The following AGBL4 variants were observed in gnomAD, a reference collection of about 807,000 sequenced individuals.
The protein encoded by AGBL4 is cytosolic carboxypeptidase 6.
In AGBL4, 58 loss-of-function variants were observed where a neutral mutation model predicts 66.4. That is an observed-to-expected ratio of 0.87 (90% CI 0.71 to 1.09). The LOEUF (loss-of-function observed/expected upper bound fraction) is 1.09, where lower values mean the gene tolerates loss of function less well. Ranked by LOEUF, AGBL4 falls within the 50% of genes least tolerant of loss-of-function variation. The probability of loss-of-function intolerance (pLI) is 0.00; values close to 1 mark genes in which losing one functional copy is unlikely to be tolerated. For synonymous variants in AGBL4, 234 were observed against 222.9 expected (o/e 1.05, Z -0.44); for missense variants, 579 against 631.0 (o/e 0.92, Z 0.88).
intron 3 of AGBL4, among the ~76,000 whole-genome samples, chr1:49,674,758 T>G (rs1646547752): frequency 6.6e-6 from 1 of 152,006 alleles, no homozygotes; most frequent in South Asian, 2.1e-4. Flanking sequence ...AATTACAGTC[T>G]TTGAGAGATA....
chr1:49,051,662 G>C (rs1644213809), intron 4 of AGBL4, among the ~76,000 whole-genome samples: 1 of 152,112 alleles, frequency 6.6e-6, no homozygotes. Flanking sequence ...GTCTGGCATA[G>C]CCAGGGACCT....
At chr1:49,339,299 C>A (rs1453403391) in intron 3 of AGBL4, among the ~76,000 whole-genome samples, 1 of 152,192 alleles carries the variant, frequency 6.6e-6, no homozygotes, top group Non-Finnish European at 1.5e-5. Context: ...GAAGAGTGCA[C>A]TTTACAAAAT....
intron 3 of AGBL4, among the ~76,000 whole-genome samples, chr1:49,405,738 G>T (rs907532251): frequency 2.0e-5 from 3 of 152,174 alleles, no homozygotes; most frequent in African/African-American, 7.2e-5. Context: ...TCAGATCTAC[G>T]TTTTTATCAG....
chr1:49,829,241 G>T (rs1645593076), intron 2 of AGBL4, among the ~76,000 whole-genome samples: 2 of 152,100 alleles, frequency 1.3e-5, no homozygotes, highest in Admixed American at 1.3e-4. Context: ...TGAACTATTA[G>T]ATATGTACTC....
chr1:49,789,280 AGG>A (rs2147924108), intron 2 of AGBL4, among the ~76,000 whole-genome samples: 1 of 152,276 alleles, frequency 6.6e-6, no homozygotes, highest in Admixed American at 6.5e-5. Flanking sequence ...AATGTTCATC[AGG>A]GATATTGGAC....
At position 49,879,460 on chromosome 1, in the gene AGBL4, A is replaced by C. The variant is rs199578490; in HGVS notation, c.35-27942T>G. 4.0e-5 allele frequency among the ~76,000 whole-genome samples: 6 copies of C among 148,204 alleles called. No homozygotes were observed. The East Asian group carries it at 1.1e-3, about 26-fold the overall frequency. ...GATATGAAATTCTGGGTTGAAAATT[A>C]TTTTCTTTAAGAATGTTGAATATTG... On this transcript the variant is annotated intron_variant, in intron 1 of 13. Coordinates refer to ENST00000371839, the MANE Select transcript of AGBL4 (RefSeq NM_032785.4).
At chr1:49,496,487 C>T (rs1009598273) in intron 3 of AGBL4, among the ~76,000 whole-genome samples, 3 of 151,808 alleles carry the variant, frequency 2.0e-5, no homozygotes, top group East Asian at 3.9e-4. Flanking sequence ...TCCTCCTAAC[C>T]GAAATTTTGT....
At chr1:49,235,828 G>C (rs1449768438) in intron 4 of AGBL4, among the ~76,000 whole-genome samples, 2 of 152,016 alleles carry the variant, frequency 1.3e-5, no homozygotes, top group Non-Finnish European at 2.9e-5. Context: ...TGCTCTGTGT[G>C]AAAATGGTGG....
chr1:49,617,872 C>A (rs918108913), intron 3 of AGBL4, among the ~76,000 whole-genome samples: 2 of 152,166 alleles, frequency 1.3e-5, no homozygotes, highest in African/African-American at 4.8e-5. Context: ...TTTCATATTA[C>A]ACTTTAAGCT....
At chr1:49,023,268 A>T (rs1454640059) in intron 5 of AGBL4, among the ~76,000 whole-genome samples, 1 of 152,152 alleles carries the variant, frequency 6.6e-6, no homozygotes, top group Admixed American at 6.5e-5. Context: ...GAAAAAAGCC[A>T]AGACTGTGTC....
intron 5 of AGBL4, among the ~76,000 whole-genome samples, chr1:48,977,533 T>C (rs1332549642): frequency 6.6e-6 from 1 of 152,084 alleles, no homozygotes; most frequent in African/African-American, 2.4e-5. Flanking sequence ...TCCTCTCATA[T>C]TACACCTGAA....
chr1:49,202,719 A>G (rs1273159309), intron 4 of AGBL4, among the ~76,000 whole-genome samples: 1 of 152,168 alleles, frequency 6.6e-6, no homozygotes, highest in African/African-American at 2.4e-5. Flanking sequence ...CTTGGATATG[A>G]CATCAAAAGC....
chr1:49,054,127 T>C (rs1035118005), intron 4 of AGBL4, among the ~76,000 whole-genome samples: 33 of 152,086 alleles, frequency 2.2e-4, no homozygotes, highest in African/African-American at 8.0e-4. Flanking sequence ...TATTTTAAAA[T>C]AATTTTGATC....
intron 2 of AGBL4, among the ~76,000 whole-genome samples, chr1:49,786,549 C>T (rs1394034963): frequency 6.6e-6 from 1 of 152,108 alleles, no homozygotes; most frequent in Non-Finnish European, 1.5e-5. Context: ...TGAAGCACCA[C>T]CTTTCATCTT....
At position 49,219,027 on chromosome 1, in the gene AGBL4, G is replaced by A. The variant is rs1185345720; in HGVS notation, c.377+26743C>T. Among the ~76,000 whole-genome samples the A allele has an allele frequency of 2.0e-5, 3 of 152,010 alleles. No individual in the cohort carries two copies. The East Asian group carries it at 5.8e-4, about 29-fold the overall frequency. On this transcript the variant is annotated intron_variant, in intron 4 of 13. Coordinates refer to ENST00000371839, the MANE Select transcript of AGBL4 (RefSeq NM_032785.4). Reference sequence around the variant, plus strand: ...TTTACTTTATAAATTACCCAGTCTCGAGTATGTCTCTATCAGCAGCATTGG... The same window carrying A: ...TTTACTTTATAAATTACCCAGTCTCAAGTATGTCTCTATCAGCAGCATTGG...
chr1:49,359,238 T>C (rs1269392954), intron 3 of AGBL4, among the ~76,000 whole-genome samples: 3 of 152,118 alleles, frequency 2.0e-5, no homozygotes, highest in Admixed American at 2.0e-4. Context: ...TAGGATTTAG[T>C]AGAAAGCAAA....
At chr1:49,627,814 G>A (rs185934403) in intron 3 of AGBL4, among the ~76,000 whole-genome samples, 7 of 152,318 alleles carry the variant, frequency 4.6e-5, no homozygotes, top group Admixed American at 4.6e-4. Flanking sequence ...TAGGGGAGCT[G>A]ATGCAACTGT....
In AGBL4 at chr1:49,371,248, G is replaced by GATACATACATAC. The variant is rs760739499; in HGVS notation, c.283-125396_283-125385dup. Among the ~76,000 whole-genome samples the GATACATACATAC allele has an allele frequency of 6.7e-3, 927 of 137,954 alleles. 8 individuals carry two copies. The highest frequency in any genetic ancestry group is 0.023 in the African/African-American group (836 of 36,950). The allele number at this position is 137,954 out of a possible 152,430, so 90.5% of individuals were successfully genotyped here. On this transcript the variant is annotated intron_variant, in intron 3 of 13. Coordinates refer to ENST00000371839, the MANE Select transcript of AGBL4 (RefSeq NM_032785.4). ...AGATATATAGATAGATAGATAGATA[G>GATACATACATAC]ATACATACATACATACATACATACA...
chr1:49,153,372 G>A (rs187736114), intron 4 of AGBL4, among the ~76,000 whole-genome samples: 7 of 152,016 alleles, frequency 4.6e-5, no homozygotes, highest in East Asian at 1.9e-4. Flanking sequence ...ATCATGACAC[G>A]GCACTCAGGC....
Sources: allele counts gnomAD v4.1 joint callset (sites outside exome capture counted in the v4.1 genomes callset), GRCh38; gene constraint gnomAD v4.1.1; transcripts MANE v1.5; gene names NCBI Gene and HGNC (gene_info 2026-07-23, HGNC 2026-07-21).